The following SLC2A9 variants were observed in gnomAD, a reference collection of about 807,000 sequenced individuals.
SLC2A9 encodes the protein solute carrier family 2 member 9.
In SLC2A9, 39 loss-of-function variants were observed where a neutral mutation model predicts 50.6. That is an observed-to-expected ratio of 0.77 (90% CI 0.60 to 1.01). SLC2A9 has a LOEUF of 1.01. Among genes scored for constraint, SLC2A9 ranks in the 50% least tolerant of loss-of-function variants. The probability of loss-of-function intolerance (pLI) is 0.00; values close to 1 mark genes in which losing one functional copy is unlikely to be tolerated. For missense variants in SLC2A9, 686 were observed against 677.6 expected (o/e 1.01, Z -0.14); for synonymous variants, 324 against 276.9 (o/e 1.17, Z -1.69).
chr4:9,934,009 T>C (rs1577962630), intron 6 of SLC2A9, among the ~76,000 whole-genome samples: 2 of 152,236 alleles, frequency 1.3e-5, no homozygotes, highest in African/African-American at 4.8e-5. Context: ...CATTCCAAAG[T>C]CAGCTGATGA....
At chr4:9,887,309 G>C (rs141854604) in intron 10 of SLC2A9, among the ~76,000 whole-genome samples, 1 of 152,194 alleles carries the variant, frequency 6.6e-6, no homozygotes, top group Non-Finnish European at 1.5e-5. Context: ...GCCCTCCCGC[G>C]TATGAACTGC....
intron 2 of SLC2A9, among the ~76,000 whole-genome samples, chr4:10,010,381 C>G (rs576314861): frequency 2.0e-5 from 3 of 152,202 alleles, no homozygotes; most frequent in African/African-American, 7.2e-5. Flanking sequence ...CATAGCACTT[C>G]CTGAGTTCTG....
intron 10 of SLC2A9, among the ~76,000 whole-genome samples, chr4:9,877,950 G>A (rs773760839): frequency 1.3e-5 from 2 of 152,166 alleles, no homozygotes; most frequent in Non-Finnish European, 2.9e-5. Context: ...TTTCCTCCTC[G>A]GGGTCAGCCG....
At chr4:9,831,680 T>G (rs1388271439) in intron 11 of SLC2A9, among the ~76,000 whole-genome samples, 5 of 152,182 alleles carry the variant, frequency 3.3e-5, no homozygotes, top group Admixed American at 3.3e-4. Flanking sequence ...TAGCTTGAGT[T>G]CTGGTGCCCA....
chr4:10,037,969 A>G (rs1042021521), intron 1 of SLC2A9, among the ~76,000 whole-genome samples: 1 of 151,778 alleles, frequency 6.6e-6, no homozygotes, highest in African/African-American at 2.4e-5. Flanking sequence ...ATAAATAATA[A>G]ATAAATAAAT....
At chr4:9,910,235 C>T (rs1345728979) in intron 7 of SLC2A9, among the ~76,000 whole-genome samples, 3 of 152,188 alleles carry the variant, frequency 2.0e-5, no homozygotes, top group Non-Finnish European at 4.4e-5. Context: ...CTTGAGTGAA[C>T]GTTAGACTCC....
At chr4:9,852,409 C>T (rs953028840) in intron 10 of SLC2A9, among the ~76,000 whole-genome samples, 7 of 151,832 alleles carry the variant, frequency 4.6e-5, no homozygotes, top group Non-Finnish European at 5.9e-5. Flanking sequence ...CCCGCCACCG[C>T]GCCCGGCTAA....
At chr4:9,818,923 C>G (rs1348148507) in intron 3 of SLC2A9, among the ~76,000 whole-genome samples, 1 of 151,700 alleles carries the variant, frequency 6.6e-6, no homozygotes, top group Non-Finnish European at 1.5e-5. Context: ...GAGATCGAGA[C>G]CATCCTGGCT....
chr4:9,998,875 C>T (rs1255887431), intron 2 of SLC2A9, among the ~76,000 whole-genome samples: 2 of 152,144 alleles, frequency 1.3e-5, no homozygotes, highest in East Asian at 1.9e-4. Flanking sequence ...AAAAATAACA[C>T]CAACCAAAAG....
intron 5 of SLC2A9, among the ~76,000 whole-genome samples, chr4:9,952,226 A>T (rs1029054835): frequency 2.0e-5 from 3 of 152,210 alleles, no homozygotes; most frequent in Non-Finnish European, 2.9e-5. Flanking sequence ...TCCCTGCCAA[A>T]TATCATGTTG....
intron 10 of SLC2A9, among the ~76,000 whole-genome samples, chr4:9,875,276 A>C (rs1734124745): frequency 6.8e-6 from 1 of 147,570 alleles, no homozygotes; most frequent in Non-Finnish European, 1.5e-5. Flanking sequence ...AAATGGCCAT[A>C]GGTTACTCTC....
chr4:9,976,223 T>G (rs540999923), intron 5 of SLC2A9, among the ~76,000 whole-genome samples: 1 of 152,206 alleles, frequency 6.6e-6, no homozygotes, highest in Admixed American at 6.5e-5. Flanking sequence ...AGGAAATAAG[T>G]ACGCACACGT....
At chr4:9,820,395 G>C (rs1433165592) in intron 3 of SLC2A9, among the ~76,000 whole-genome samples, 2 of 152,126 alleles carry the variant, frequency 1.3e-5, no homozygotes, top group East Asian at 3.9e-4. Flanking sequence ...GGTAGTATGA[G>C]TCTTTTAACT....
intron 3 of SLC2A9, among the ~76,000 whole-genome samples, chr4:9,987,870 G>C (rs184065773): frequency 1.3e-5 from 2 of 152,250 alleles, no homozygotes; most frequent in East Asian, 3.9e-4. Flanking sequence ...ACATCAGTGA[G>C]GCCAGCCTGG....
chr4:9,875,257 T>C (rs1266421577), intron 10 of SLC2A9, among the ~76,000 whole-genome samples: 5 of 149,048 alleles, frequency 3.4e-5, no homozygotes, highest in Admixed American at 2.0e-4. Context: ...TGGGATGCTG[T>C]GTCTTTAGAA....
At chr4:9,827,777 T>C (rs1725382054) in intron 11 of SLC2A9, among the ~76,000 whole-genome samples, 1 of 152,216 alleles carries the variant, frequency 6.6e-6, no homozygotes, top group Non-Finnish European at 1.5e-5. Context: ...CTTCTGCTCG[T>C]ACAAAGACTT....
At chr4:9,816,967 ATTTCT>A (rs1306349393) in intron 3 of SLC2A9, among the ~76,000 whole-genome samples, 2 of 152,120 alleles carry the variant, frequency 1.3e-5, no homozygotes, top group African/African-American at 2.4e-5. Context: ...GGGATAATAC[ATTTCT>A]TTTCCTTTTC....
chr4:9,794,508 C>T (rs1720352093), downstream of SLC2A9, among the ~76,000 whole-genome samples: 1 of 152,202 alleles, frequency 6.6e-6, no homozygotes, highest in Admixed American at 6.6e-5. Flanking sequence ...CACCATACAG[C>T]TAAAGGTGCT....
chr4:9,913,067 T>A (rs1742144760), intron 7 of SLC2A9, among the ~76,000 whole-genome samples: 2 of 152,196 alleles, frequency 1.3e-5, no homozygotes, highest in South Asian at 4.1e-4. Flanking sequence ...AGGAAGTGGA[T>A]GATCCCTCTG....
Sources: allele counts gnomAD v4.1 joint callset (sites outside exome capture counted in the v4.1 genomes callset), GRCh38; gene constraint gnomAD v4.1.1; transcripts MANE v1.5; gene names NCBI Gene and HGNC (gene_info 2026-07-23, HGNC 2026-07-21).